Variants in SNTG2 observed in about 807,000 individuals in gnomAD.
SNTG2 encodes the protein gamma-2-syntrophin.
SNTG2 carries 74 observed loss-of-function variants against 70.9 expected under a neutral mutation model. That is an observed-to-expected ratio of 1.04 (90% CI 0.86 to 1.27). The LOEUF is 1.27. SNTG2 is among the 50% of genes most tolerant of loss of function. SNTG2 has a pLI of 0.00. For synonymous variants in SNTG2, 278 were observed against 273.8 expected, an observed-to-expected ratio of 1.02 and a Z score of -0.15; for missense variants, 717 against 690.7, an observed-to-expected ratio of 1.04 and a Z score of -0.43.
Position 1,058,808 on chromosome 2 carries a change from C to A in SNTG2, c.73-24710C>A, listed in dbSNP as rs143947838. On this transcript the variant is annotated intron_variant, in intron 1 of 16. Transcript: ENST00000308624. Reference sequence around the variant, plus strand: ...TAACTAATGGCACCTGTTTGTGCCACACAAGCCTGTGGCCCCTAATGAAAG... The same window carrying A: ...TAACTAATGGCACCTGTTTGTGCCAAACAAGCCTGTGGCCCCTAATGAAAG... Among the ~76,000 whole-genome samples the A allele has an allele frequency of 2.5e-3, 384 of 152,354 alleles. 1 individual carries two copies. Among genetic ancestry groups the A allele is most frequent in the African/African-American group, 9.0e-3 (374 of 41,592 alleles).
At chr2:1,309,049 A>G (rs1417935811) in intron 15 of SNTG2, among the ~76,000 whole-genome samples, 1 of 152,196 alleles carries the variant, frequency 6.6e-6, no homozygotes, top group Non-Finnish European at 1.5e-5. Flanking sequence ...TAACTACGTA[A>G]GTGTTAAGGA....
chr2:1,028,774 A>T (rs1660645256), intron 1 of SNTG2, among the ~76,000 whole-genome samples: 1 of 148,804 alleles, frequency 6.7e-6, no homozygotes, highest in African/African-American at 2.5e-5. Flanking sequence ...TCACATTTGC[A>T]TGAAAGCCAG....
At chr2:1,159,106 C>G (rs75575453) in intron 6 of SNTG2, among the ~76,000 whole-genome samples, 92,278 of 132,214 alleles carry the variant, frequency 0.7, 31,214 homozygotes, top group Non-Finnish European at 0.81. Flanking sequence ...ATGCGTGTAC[C>G]TGTGTGTTCG....
At chr2:1,016,000 T>G (rs1362383180) in intron 1 of SNTG2, among the ~76,000 whole-genome samples, 4 of 152,358 alleles carry the variant, frequency 2.6e-5, no homozygotes, top group South Asian at 4.1e-4. Flanking sequence ...GGGGATTATC[T>G]TAATACACTG....
rs78412474 is a variant in SNTG2, at chr2:1,300,176, G to C, written c.1285-8318G>C. ...CATCGCCGCTCTGAAGGGCATGCAA[G>C]ACAGGTGCCTTAAATGAGGGCACTG... On this transcript the variant is annotated intron_variant, in intron 14 of 16. Coordinates refer to ENST00000308624, the MANE Select transcript of SNTG2 (RefSeq NM_018968.4). 2.1e-3 allele frequency among the ~76,000 whole-genome samples: 327 copies of C among 152,190 alleles called. 9 individuals carry two copies. The East Asian group carries it at 0.058, about 27-fold the overall frequency.
At chr2:1,246,243 C>T (rs1040549687) in intron 11 of SNTG2, among the ~76,000 whole-genome samples, 2 of 152,234 alleles carry the variant, frequency 1.3e-5, no homozygotes, top group Non-Finnish European at 2.9e-5. Flanking sequence ...CAAGACAGTG[C>T]TCCTAATTTT....
chr2:1,262,399 T>A (rs1353910788), intron 13 of SNTG2, among the ~76,000 whole-genome samples: 2 of 152,160 alleles, frequency 1.3e-5, no homozygotes, highest in African/African-American at 4.8e-5. Flanking sequence ...TGATCACATT[T>A]TGAAGGGACA....
At position 1,308,553 on chromosome 2, in the gene SNTG2, G is replaced by A. The variant is rs147649890; in HGVS notation, c.1344G>A (p.Ala448=). The A allele has an allele frequency of 7.1e-5, 110 of 1,551,676 alleles. No individual in the cohort carries two copies. The African/African-American group carries it at 1.0e-3, about 14-fold the overall frequency. The change falls in exon 15 of 17, where the codon GCG becomes GCA. Residue 448 remains alanine, a synonymous_variant. Transcript: ENST00000308624. ...GEMLCFTVDF[A]LGFTCFESKT... is the part of the protein sequence containing the mutation. The stretch of plus-strand genomic sequence containing the variant: ...TGCTGTGTTTCACGGTGGATTTCGC[G>A]TTGGGATTTACCTGTTTTGAGAGTA...
chr2:1,309,747 C>G (rs781485937), intron 15 of SNTG2, among the ~76,000 whole-genome samples: 1 of 152,226 alleles, frequency 6.6e-6, no homozygotes, highest in Non-Finnish European at 1.5e-5. Flanking sequence ...TTTGCAATGA[C>G]AATAGCACAT....
chr2:967,285 C>A (rs893987835), intron 1 of SNTG2, among the ~76,000 whole-genome samples: 8 of 152,058 alleles, frequency 5.3e-5, no homozygotes, highest in African/African-American at 1.9e-4. Flanking sequence ...AGAGTGGACA[C>A]CTTGCCTTAT....
At chr2:1,083,061 C>A (rs2148170021) in intron 1 of SNTG2, among the ~76,000 whole-genome samples, 1 of 152,246 alleles carries the variant, frequency 6.6e-6, no homozygotes, top group South Asian at 2.1e-4. Context: ...CCGCTTCCTC[C>A]TCGGCTGTCG....
At chr2:967,666 A>T (rs1194489651) in intron 1 of SNTG2, among the ~76,000 whole-genome samples, 2 of 151,990 alleles carry the variant, frequency 1.3e-5, no homozygotes, top group African/African-American at 4.8e-5. Flanking sequence ...GTTTCTCTTC[A>T]TGTTGTGCCT....
At chr2:1,222,402 G>C (rs1221272201) in intron 9 of SNTG2, among the ~76,000 whole-genome samples, 1 of 152,260 alleles carries the variant, frequency 6.6e-6, no homozygotes, top group Non-Finnish European at 1.5e-5. Flanking sequence ...TTTGTGTGTG[G>C]AGATTTCATA....
intron 6 of SNTG2, among the ~76,000 whole-genome samples, chr2:1,144,053 G>A (rs780142871): frequency 1.3e-5 from 2 of 152,124 alleles, no homozygotes; most frequent in Non-Finnish European, 2.9e-5. Context: ...ACGCTGGGTA[G>A]CCCCATAGAT....
chr2:1,014,892 A>T (rs1553308538), intron 1 of SNTG2, among the ~76,000 whole-genome samples: 1 of 146,826 alleles, frequency 6.8e-6, no homozygotes, highest in African/African-American at 2.5e-5. Context: ...AGTTGAGGGG[A>T]GGGGTGGGAG....
chr2:1,307,155 CTGTGTG>C (rs60717774), intron 14 of SNTG2, among the ~76,000 whole-genome samples: 24 of 134,524 alleles, frequency 1.8e-4, no homozygotes, highest in African/African-American at 2.5e-4. Flanking sequence ...GAGCCATGTG[CTGTGTG>C]TGTGTGTGTG....
At chr2:1,015,354 A>G (rs970996082) in intron 1 of SNTG2, among the ~76,000 whole-genome samples, 1 of 152,236 alleles carries the variant, frequency 6.6e-6, no homozygotes, top group Non-Finnish European at 1.5e-5. Flanking sequence ...CCACATTAAA[A>G]TAAAATATCC....
chr2:981,444 AAC>A (rs1425436210), intron 1 of SNTG2, among the ~76,000 whole-genome samples: 1 of 152,076 alleles, frequency 6.6e-6, no homozygotes, highest in African/African-American at 2.4e-5. Flanking sequence ...ACACATGCAC[AAC>A]ACACAAATGC....
At chr2:1,348,989 A>G (rs1660441604) in intron 16 of SNTG2, among the ~76,000 whole-genome samples, 1 of 152,242 alleles carries the variant, frequency 6.6e-6, no homozygotes, top group Non-Finnish European at 1.5e-5. Context: ...GTTACAGCAG[A>G]GAAAGAGTTT....
Sources: gnomAD v4.1 joint callset for allele counts (sites outside exome capture counted in the v4.1 genomes callset) on GRCh38, gnomAD v4.1.1 for gene constraint, MANE v1.5 for transcripts, NCBI Gene and HGNC (gene_info 2026-07-23, HGNC 2026-07-21) for gene names.